The following GRAMD2B variants were observed in gnomAD, a reference collection of about 807,000 sequenced individuals.
GRAMD2B encodes the protein GRAM domain-containing protein 2B.
A neutral mutation model predicts 59.2 loss-of-function variants in GRAMD2B; 41 were observed. The ratio of observed to expected loss-of-function variants is 0.69; its 90% CI spans 0.54 to 0.90. GRAMD2B has a LOEUF of 0.90. GRAMD2B is among the 40% of genes least tolerant of loss of function. The pLI is 0.00. For synonymous variants in GRAMD2B, 161 were observed against 182.7 expected, an observed-to-expected ratio of 0.88 and a Z score of 0.96; for missense variants, 424 against 500.5, an observed-to-expected ratio of 0.85 and a Z score of 1.46.
chr5:126,397,342 A>T (rs1169612864), intron 1 of GRAMD2B, among the ~76,000 whole-genome samples: 1 of 152,138 alleles, frequency 6.6e-6, no homozygotes, highest in African/African-American at 2.4e-5. Context: ...CTCCCATCTC[A>T]GCCTCTTGCG....
chr5:126,387,259 AT>A (rs1255296413), intron 1 of GRAMD2B, among the ~76,000 whole-genome samples: 1 of 103,380 alleles, frequency 9.7e-6, no homozygotes, highest in Admixed American at 1.2e-4. Context: ...GTTTCTTAAA[AT>A]TTTAACTCTT....
Position 126,483,458 on chromosome 5 carries a change from T to C in GRAMD2B, c.736-5T>C. ...GCCTGTCTTCATTTCACTGTTTCCT[T>C]TCAGGATTTCAATGATGAATTCTCA... On this transcript the variant is annotated splice_polypyrimidine_tract_variant and splice_region_variant and intron_variant, in intron 8 of 13. Coordinates refer to ENST00000285689, the MANE Select transcript of GRAMD2B (RefSeq NM_023927.4). 1 of 1,577,902 alleles carries C rather than the reference T, an allele frequency of 6.3e-7. No individual in the cohort carries two copies. The highest frequency in any genetic ancestry group is 8.7e-7 in the Non-Finnish European group (1 of 1,147,954).
At chr5:126,366,805 T>C (rs1007795188), upstream of GRAMD2B, among the ~76,000 whole-genome samples, 1 of 151,122 alleles carries the variant, frequency 6.6e-6, no homozygotes, top group Non-Finnish European at 1.5e-5. Flanking sequence ...TATGGAAATA[T>C]GGTGACAACT....
chr5:126,480,358 GA>G, intron 6 of GRAMD2B, 97 bp from the exon 7 acceptor site: 1 of 773,418 alleles, frequency 1.3e-6, no homozygotes, highest in Non-Finnish European at 2.1e-6. Flanking sequence ...CATGTTGTTT[GA>G]AAATGCAAAA....
intron 1 of GRAMD2B, among the ~76,000 whole-genome samples, chr5:126,373,017 T>A (rs1214580008): frequency 6.6e-6 from 1 of 152,062 alleles, no homozygotes; most frequent in Non-Finnish European, 1.5e-5. Context: ...AGAATAAAAG[T>A]AAAATAAAAC....
upstream of GRAMD2B, among the ~76,000 whole-genome samples, chr5:126,370,126 C>T (rs918407196): frequency 1.8e-4 from 28 of 152,072 alleles, no homozygotes; most frequent in Non-Finnish European, 8.8e-5. Flanking sequence ...CCCAGTTTGC[C>T]CAGCACTAAA....
chr5:126,371,475 G>A lies in GRAMD2B; in HGVS notation c.33G>A (p.Thr11=), dbSNP rs753274071. 61 of 1,289,232 alleles carry A rather than the reference G, an allele frequency of 4.7e-5. No homozygotes were observed. In the African/African-American group the frequency reaches 6.4e-4, roughly 13 times the overall value. 79.9% of individuals were successfully genotyped at this position (1,289,232 alleles called of 1,614,324 possible). A position where few individuals can be genotyped will look rare whatever the true frequency, so the allele number is the denominator to read the frequency against. ...AGAAAAGGCTGCCTTCTAGTGACAC[G>A]GTGTTCCGGTTTGAGACTCCGGGCA... The change falls in exon 1 of 9, where the codon ACG becomes ACA. Residue 11 remains threonine, a synonymous_variant. Transcript: ENST00000506445.
intron 13 of GRAMD2B, 33 bp from the exon 14 acceptor site, chr5:126,492,882 T>C: frequency 7.1e-7 from 1 of 1,398,798 alleles, no homozygotes; most frequent in South Asian, 1.2e-5. Flanking sequence ...CCATTCTATT[T>C]AATAATAGGA....
At chr5:126,440,209 A>G (rs1271417440) in intron 1 of GRAMD2B, among the ~76,000 whole-genome samples, 1 of 152,216 alleles carries the variant, frequency 6.6e-6, no homozygotes, top group African/African-American at 2.4e-5. Context: ...CAAGTAAAAC[A>G]ACACACCTAC....
intron 1 of GRAMD2B, among the ~76,000 whole-genome samples, chr5:126,397,193 T>C (rs1757431279): frequency 6.6e-6 from 1 of 152,176 alleles, no homozygotes; most frequent in African/African-American, 2.4e-5. Flanking sequence ...TTGTTTAGGA[T>C]GTTAGCTGTG....
Position 126,465,555 on chromosome 5 carries a change from C to T in GRAMD2B, c.203+10C>T. 6.2e-7 allele frequency: 1 copy of T among 1,610,874 alleles called. No individual in the cohort carries two copies. The highest frequency in any genetic ancestry group is 8.5e-7 in the Non-Finnish European group (1 of 1,178,968). On this transcript the variant is annotated intron_variant, in intron 2 of 13. Transcript: ENST00000285689. ...AAATCATTAGCCTATGGTAAGTCCT[C>T]CGTTGACTCTCTTTGTTCTCTTTTG...
chr5:126,427,104 GCT>G (rs2149790850), intron 1 of GRAMD2B, among the ~76,000 whole-genome samples: 1 of 152,166 alleles, frequency 6.6e-6, no homozygotes, highest in East Asian at 1.9e-4. Flanking sequence ...GAATACCCTT[GCT>G]CTAACTTTTG....
chr5:126,405,303 C>T (rs1758177287), intron 1 of GRAMD2B, among the ~76,000 whole-genome samples: 2 of 151,820 alleles, frequency 1.3e-5, no homozygotes, highest in Non-Finnish European at 1.5e-5. Context: ...CTTTTAAGTA[C>T]TTCTTAATTC....
At chr5:126,445,252 G>A (rs1013359552) in intron 1 of GRAMD2B, among the ~76,000 whole-genome samples, 1 of 152,022 alleles carries the variant, frequency 6.6e-6, no homozygotes, top group Non-Finnish European at 1.5e-5. Context: ...TTTTGCCTCT[G>A]GGTCTTTAAG....
chr5:126,436,336 T>C (rs1762399600), intron 1 of GRAMD2B, among the ~76,000 whole-genome samples: 1 of 152,176 alleles, frequency 6.6e-6, no homozygotes, highest in African/African-American at 2.4e-5. Context: ...TTAGCATGTA[T>C]TAGGCATGAA....
At chr5:126,368,590 T>C (rs1754577550), upstream of GRAMD2B, among the ~76,000 whole-genome samples, 1 of 152,188 alleles carries the variant, frequency 6.6e-6, no homozygotes. Flanking sequence ...ATCTGTTGTG[T>C]TAAAACTTGA....
chr5:126,395,883 A>C (rs1241754286), intron 1 of GRAMD2B, among the ~76,000 whole-genome samples: 1 of 152,240 alleles, frequency 6.6e-6, no homozygotes, highest in Non-Finnish European at 1.5e-5. Context: ...ATACACATAC[A>C]TTGTGAAATG....
chr5:126,450,383 T>C (rs548638445), intron 1 of GRAMD2B, among the ~76,000 whole-genome samples: 4 of 151,450 alleles, frequency 2.6e-5, no homozygotes, highest in East Asian at 3.9e-4. Flanking sequence ...GCATAATATA[T>C]TCTCTCTCTC....
chr5:126,486,151 C>T (rs550271747), intron 11 of GRAMD2B, among the ~76,000 whole-genome samples: 199 of 152,166 alleles, frequency 1.3e-3, no homozygotes, highest in African/African-American at 4.3e-3. Context: ...TGATCAGATC[C>T]GGGTAATTAG....
Sources: allele counts gnomAD v4.1 joint callset (sites outside exome capture counted in the v4.1 genomes callset), GRCh38; gene constraint gnomAD v4.1.1; transcripts MANE v1.5; gene names NCBI Gene and HGNC (gene_info 2026-07-23, HGNC 2026-07-21).